MDGA2: variants seen among roughly 807,000 people sequenced by gnomAD.
MDGA2 encodes the protein MAM domain-containing glycosylphosphatidylinositol anchor protein 2.
In MDGA2, 40 loss-of-function variants were observed where a neutral mutation model predicts 117.8. The ratio of observed to expected loss-of-function variants is 0.34; its 90% CI spans 0.26 to 0.44. The LOEUF (loss-of-function observed/expected upper bound fraction) is 0.44, where lower values mean the gene tolerates loss of function less well. MDGA2 is among the 20% of genes least tolerant of loss of function. The pLI is 1.00. For missense variants in MDGA2, 1,123 were observed against 1,250.6 expected, an observed-to-expected ratio of 0.90 and a Z score of 1.54; for synonymous variants, 452 against 439.0, an observed-to-expected ratio of 1.03 and a Z score of -0.37.
intron 1 of MDGA2, among the ~76,000 whole-genome samples, chr14:47,556,923 G>A (rs1895694965): frequency 6.6e-6 from 1 of 152,052 alleles, no homozygotes; most frequent in South Asian, 2.1e-4. Context: ...TGTAATCGAG[G>A]ATTTCTCCCC....
intron 8 of MDGA2, among the ~76,000 whole-genome samples, chr14:47,020,017 G>C (rs1888230063): frequency 6.6e-6 from 1 of 152,020 alleles, no homozygotes; most frequent in South Asian, 2.1e-4. Flanking sequence ...TTTCAGTAGG[G>C]TCATACATAC....
Position 46,988,815 on chromosome 14 carries a change from G to T in MDGA2, c.1820-31172C>A, listed in dbSNP as rs113922697. Among the ~76,000 whole-genome samples the T allele has an allele frequency of 1.3e-3, 202 of 152,152 alleles. 1 individual carries two copies. The highest frequency in any genetic ancestry group is 4.7e-3 in the African/African-American group (197 of 41,556). ...AGATGTATTTCAGAATAGATTCTTT[G>T]AGAAGAGTAATTTTCAACTGTTTCT... On this transcript the variant is annotated intron_variant, in intron 8 of 16. Coordinates refer to ENST00000399232, the MANE Select transcript of MDGA2 (RefSeq NM_001113498.3).
intron 2 of MDGA2, among the ~76,000 whole-genome samples, chr14:47,269,808 C>T (rs1184934579): frequency 2.6e-5 from 4 of 152,102 alleles, no homozygotes; most frequent in East Asian, 1.9e-4. Context: ...TCTATGTAGG[C>T]ACCTTTGAGG....
intron 1 of MDGA2, among the ~76,000 whole-genome samples, chr14:47,414,678 T>C (rs1892439694): frequency 6.6e-6 from 1 of 152,132 alleles, no homozygotes; most frequent in Non-Finnish European, 1.5e-5. Flanking sequence ...TTGAGGTCTT[T>C]GAAGTTACTT....
In MDGA2 at chr14:47,494,937, A is replaced by G. The variant is rs189468090; in HGVS notation, c.280+179580T>C. The stretch of plus-strand genomic sequence containing the variant: ...ATATGTGTATATATATATTTTACAT[A>G]TACACACACATATATATACACACGT... On this transcript the variant is annotated intron_variant, in intron 1 of 16. Transcript: ENST00000399232. Among the ~76,000 whole-genome samples, 104 of 150,780 alleles carry G rather than the reference A, an allele frequency of 6.9e-4. 1 individual carries two copies. The highest frequency in any genetic ancestry group is 3.6e-3 in the Middle Eastern group (1 of 280).
chr14:47,546,043 T>C (rs1219556022), intron 1 of MDGA2, among the ~76,000 whole-genome samples: 2 of 152,218 alleles, frequency 1.3e-5, no homozygotes, highest in Non-Finnish European at 2.9e-5. Flanking sequence ...AAAAAAGTAC[T>C]GTATTTAGGA....
chr14:47,056,129 A>C (rs1005743463), intron 7 of MDGA2, among the ~76,000 whole-genome samples: 2 of 152,094 alleles, frequency 1.3e-5, no homozygotes, highest in African/African-American at 4.8e-5. Context: ...ATAAAACTTC[A>C]GTTTTAATCA....
chr14:47,266,247 C>T (rs1887961329), intron 2 of MDGA2, among the ~76,000 whole-genome samples: 4 of 152,172 alleles, frequency 2.6e-5, no homozygotes, highest in Admixed American at 2.6e-4. Context: ...CTCTACTCAC[C>T]TGTCCTCTGT....
At chr14:46,900,754 C>A (rs1033031979) in intron 10 of MDGA2, among the ~76,000 whole-genome samples, 1 of 152,080 alleles carries the variant, frequency 6.6e-6, no homozygotes, top group Non-Finnish European at 1.5e-5. Context: ...AGTTGAGTAT[C>A]TTGTTTGCAT....
intron 10 of MDGA2, among the ~76,000 whole-genome samples, chr14:46,893,406 T>A (rs1882956321): frequency 6.6e-6 from 1 of 151,814 alleles, no homozygotes; most frequent in East Asian, 1.9e-4. Context: ...TTCAGTTATG[T>A]AGGATAAATA....
chr14:47,662,855 A>G (rs543015511), intron 1 of MDGA2, among the ~76,000 whole-genome samples: 2 of 152,288 alleles, frequency 1.3e-5, no homozygotes, highest in South Asian at 4.1e-4. Flanking sequence ...CATAATGGAA[A>G]AGGGTTGCAC....
intron 1 of MDGA2, among the ~76,000 whole-genome samples, chr14:47,344,449 T>G (rs1235926669): frequency 6.6e-6 from 1 of 152,174 alleles, no homozygotes; most frequent in Non-Finnish European, 1.5e-5. Flanking sequence ...CCAGAATGAT[T>G]ATTATTAAAG....
chr14:46,944,292 G>A (rs1401705742), intron 9 of MDGA2, among the ~76,000 whole-genome samples: 2 of 151,884 alleles, frequency 1.3e-5, no homozygotes, highest in Non-Finnish European at 2.9e-5. Context: ...ATTTAAAGAT[G>A]TCCCACTTTC....
At chr14:47,337,571 A>G (rs1301328165) in intron 1 of MDGA2, among the ~76,000 whole-genome samples, 2 of 152,096 alleles carry the variant, frequency 1.3e-5, no homozygotes, top group African/African-American at 2.4e-5. Flanking sequence ...TTTCTCAGAT[A>G]TAAATACTAC....
At chr14:47,029,369 CTTTG>C (rs534349371) in intron 8 of MDGA2, among the ~76,000 whole-genome samples, 62 of 152,102 alleles carry the variant, frequency 4.1e-4, no homozygotes, top group African/African-American at 1.4e-3. Context: ...CATAATTTTT[CTTTG>C]TTTGGAAAAT....
intron 2 of MDGA2, among the ~76,000 whole-genome samples, chr14:47,244,368 A>G (rs1004309473): frequency 3.2e-4 from 49 of 151,826 alleles, no homozygotes; most frequent in African/African-American, 1.1e-3. Flanking sequence ...CTATGTATCC[A>G]ATATTACACT....
intron 8 of MDGA2, among the ~76,000 whole-genome samples, chr14:46,993,250 G>T (rs1887160692): frequency 6.6e-6 from 1 of 152,000 alleles, no homozygotes; most frequent in South Asian, 2.1e-4. Context: ...AACAGAGATT[G>T]CTTGAAAACA....
rs769083202 is a variant in MDGA2 at position 47,096,970 on chromosome 14, T to C, written c.1079A>G (p.Asn360Ser). ...GGCAGGTATGGTCAAAGTTCCTCCA[T>C]TCAAAACAGTCTTTTCAGGCAGAGT... ...FGTLPEKTVL[N>S]GGTLTIPAIT... Residue 360 changes from asparagine to serine, a missense_variant, in exon 6 of 17, where the codon AAT becomes AGT. This residue lies in a region of MDGA2 where 890 missense variants were observed against 1,050.3 expected (regional missense o/e 0.85). Transcript: ENST00000399232. 1.2e-6 allele frequency: 2 copies of C among 1,613,316 alleles called. No individual in the cohort carries two copies. Among genetic ancestry groups the C allele is most frequent in the African/African-American group, 2.7e-5 (2 of 74,970 alleles).
At chr14:47,309,394 G>C (rs1343447733) in intron 1 of MDGA2, among the ~76,000 whole-genome samples, 2 of 152,060 alleles carry the variant, frequency 1.3e-5, no homozygotes, top group Admixed American at 6.6e-5. Flanking sequence ...TTGATGAGTT[G>C]TAAAGTGAAA....
Sources: gnomAD v4.1 joint callset for allele counts (sites outside exome capture counted in the v4.1 genomes callset) on GRCh38, gnomAD v4.1.1 for gene constraint, gnomAD v4.1.1 regional missense constraint, MANE v1.5 for transcripts, NCBI Gene and HGNC (gene_info 2026-07-23, HGNC 2026-07-21) for gene names.